Variants in CNTNAP2 observed in about 807,000 individuals in gnomAD.
CNTNAP2 encodes the protein contactin-associated protein-like 2.
A neutral mutation model predicts 155.2 loss-of-function variants in CNTNAP2; 98 were observed. The ratio of observed to expected loss-of-function variants is 0.63; its 90% CI spans 0.54 to 0.75. CNTNAP2 has a LOEUF of 0.75. Ranked by LOEUF, CNTNAP2 falls within the 30% of genes least tolerant of loss-of-function variation. The probability of loss-of-function intolerance (pLI) is 0.00; values close to 1 mark genes in which losing one functional copy is unlikely to be tolerated. For missense variants in CNTNAP2, 1,727 were observed against 1,688.1 expected, an observed-to-expected ratio of 1.02 and a Z score of -0.40; for synonymous variants, 651 against 631.2, an observed-to-expected ratio of 1.03 and a Z score of -0.47.
At chr7:146,412,399 A>T (rs1189236429) in intron 1 of CNTNAP2, among the ~76,000 whole-genome samples, 1 of 152,240 alleles carries the variant, frequency 6.6e-6, no homozygotes, top group Non-Finnish European at 1.5e-5. Context: ...TTGGGGCTAG[A>T]GACAAGAGAA....
chr7:147,051,826 T>C (rs752727403), intron 4 of CNTNAP2, among the ~76,000 whole-genome samples: 4 of 152,154 alleles, frequency 2.6e-5, no homozygotes, highest in Non-Finnish European at 5.9e-5. Flanking sequence ...AAATCTTAAG[T>C]GCAAATCTGA....
chr7:147,262,973 AG>A (rs1334212643), intron 8 of CNTNAP2, among the ~76,000 whole-genome samples: 1 of 152,226 alleles, frequency 6.6e-6, no homozygotes, highest in Non-Finnish European at 1.5e-5. Context: ...TGACAGCCCC[AG>A]AAAACTAATA....
intron 13 of CNTNAP2, among the ~76,000 whole-genome samples, chr7:147,807,692 T>G (rs1798113281): frequency 6.6e-6 from 1 of 152,034 alleles, no homozygotes; most frequent in South Asian, 2.1e-4. Context: ...TGTGGTTGAG[T>G]TTAGCAGATA....
At chr7:147,604,956 A>G (rs902424305) in intron 12 of CNTNAP2, among the ~76,000 whole-genome samples, 6 of 152,160 alleles carry the variant, frequency 3.9e-5, no homozygotes, top group African/African-American at 1.4e-4. Context: ...ACAAATATCA[A>G]TGAATAAATG....
chr7:148,258,182 CT>C (rs1363922868), intron 20 of CNTNAP2, among the ~76,000 whole-genome samples: 3 of 152,210 alleles, frequency 2.0e-5, no homozygotes, highest in African/African-American at 7.2e-5. Flanking sequence ...GCTGAGCCCA[CT>C]GATCAGTGTT....
intron 1 of CNTNAP2, among the ~76,000 whole-genome samples, chr7:146,260,909 G>T (rs1011290454): frequency 3.3e-5 from 5 of 152,100 alleles, no homozygotes; most frequent in African/African-American, 9.7e-5. Context: ...TAATATGGTT[G>T]GGCTCTGTGT....
intron 11 of CNTNAP2, among the ~76,000 whole-genome samples, chr7:147,524,327 T>C (rs991492243): frequency 2.0e-5 from 3 of 150,496 alleles, no homozygotes; most frequent in African/African-American, 7.4e-5. Flanking sequence ...GAGGCGGAGG[T>C]TGCGGTGAGC....
intron 1 of CNTNAP2, among the ~76,000 whole-genome samples, chr7:146,602,705 A>T (rs1259064903): frequency 6.6e-6 from 1 of 152,188 alleles, no homozygotes; most frequent in African/African-American, 2.4e-5. Flanking sequence ...GAGGGTAAAA[A>T]ATATTATACT....
intron 2 of CNTNAP2, among the ~76,000 whole-genome samples, chr7:146,828,712 A>G (rs1369765921): frequency 2.6e-5 from 4 of 152,134 alleles, no homozygotes; most frequent in Admixed American, 6.6e-5. Flanking sequence ...ATTATACATC[A>G]TTTATACTGT....
At chr7:146,437,443 A>G (rs1796259677) in intron 1 of CNTNAP2, among the ~76,000 whole-genome samples, 1 of 151,610 alleles carries the variant, frequency 6.6e-6, no homozygotes, top group Admixed American at 6.6e-5. Flanking sequence ...ATTTCATATT[A>G]TCTAGTGAAA....
At chr7:147,979,267 C>A (rs1271646822) in intron 15 of CNTNAP2, among the ~76,000 whole-genome samples, 1 of 148,502 alleles carries the variant, frequency 6.7e-6, no homozygotes, top group Non-Finnish European at 1.5e-5. Context: ...AATAATACTT[C>A]ATTTGTTTAG....
intron 10 of CNTNAP2, among the ~76,000 whole-genome samples, chr7:147,420,824 C>A (rs1429330962): frequency 1.3e-5 from 2 of 152,112 alleles, no homozygotes; most frequent in Non-Finnish European, 2.9e-5. Flanking sequence ...AACTGCAGAA[C>A]CCAGCTGTGG....
At chr7:147,432,079 T>C (rs1797475437) in intron 10 of CNTNAP2, among the ~76,000 whole-genome samples, 2 of 152,198 alleles carry the variant, frequency 1.3e-5, no homozygotes. Flanking sequence ...TTCACAAATA[T>C]CTATCTTGTG....
chr7:148,166,024 C>T (rs73472299), intron 17 of CNTNAP2, among the ~76,000 whole-genome samples: 2,201 of 152,012 alleles, frequency 0.014, 54 homozygotes, highest in African/African-American at 0.051. Flanking sequence ...TCTCCATGGA[C>T]GAGCTCATGA....
intron 14 of CNTNAP2, among the ~76,000 whole-genome samples, chr7:147,925,205 A>AGGAAGGAAGGAAGGAAGGAG (rs1491108932): frequency 5.3e-5 from 7 of 132,258 alleles, no homozygotes; most frequent in Admixed American, 1.6e-4. Context: ...GAAGGAAGGA[A>AGGAAGGAAGGAAGGAAGGAG]GGAAAGAAGG....
chr7:146,825,521 A>G (rs1364272573), intron 2 of CNTNAP2, among the ~76,000 whole-genome samples: 1 of 152,152 alleles, frequency 6.6e-6, no homozygotes, highest in Non-Finnish European at 1.5e-5. Context: ...ACTATATTTA[A>G]CCATATTGAT....
At chr7:148,288,082 G>A (rs567715982) in intron 21 of CNTNAP2, among the ~76,000 whole-genome samples, 11 of 147,506 alleles carry the variant, frequency 7.5e-5, no homozygotes, top group African/African-American at 1.8e-4. Context: ...GAGCCACCGC[G>A]CCCAACCTTT....
At chr7:147,979,928 C>A (rs1395426619) in intron 15 of CNTNAP2, among the ~76,000 whole-genome samples, 4 of 152,092 alleles carry the variant, frequency 2.6e-5, no homozygotes, top group Non-Finnish European at 4.4e-5. Flanking sequence ...CAGCCTTCTG[C>A]AAACTTTTAT....
intron 1 of CNTNAP2, among the ~76,000 whole-genome samples, chr7:146,368,962 A>G (rs967181470): frequency 6.7e-6 from 1 of 149,386 alleles, no homozygotes; most frequent in Non-Finnish European, 1.5e-5. Flanking sequence ...TTGAAATTAA[A>G]CATAGTATTT....
Sources: allele counts gnomAD v4.1 joint callset (sites outside exome capture counted in the v4.1 genomes callset), GRCh38; gene constraint gnomAD v4.1.1; transcripts MANE v1.5; gene names NCBI Gene and HGNC (gene_info 2026-07-23, HGNC 2026-07-21).